The following COMMD1 variants were observed in gnomAD, a reference collection of about 807,000 sequenced individuals.
COMMD1 encodes the protein copper metabolism domain containing 1.
Under a neutral mutation model 17.2 loss-of-function variants are expected in COMMD1, and 10 were observed. The ratio of observed to expected loss-of-function variants is 0.58; its 90% confidence interval spans 0.36 to 0.99. COMMD1 has a LOEUF of 0.99. COMMD1 is among the 50% of genes least tolerant of loss of function. The probability of loss-of-function intolerance (pLI) is 0.01; values close to 1 mark genes in which losing one functional copy is unlikely to be tolerated. For synonymous variants in COMMD1, 97 were observed against 91.6 expected (o/e 1.06, Z -0.34); for missense variants, 270 against 231.8 (o/e 1.17, Z -1.07).
chr2:62,089,777 T>A (rs1321698367), intron 2 of COMMD1, among the ~76,000 whole-genome samples: 4 of 151,304 alleles, frequency 2.6e-5, no homozygotes, highest in African/African-American at 9.8e-5. Context: ...TGAAAGGAAT[T>A]TGGGCAAGAT....
intron 2 of COMMD1, among the ~76,000 whole-genome samples, chr2:62,098,580 A>G (rs1672083100): frequency 6.6e-6 from 1 of 152,158 alleles, no homozygotes; most frequent in African/African-American, 2.4e-5. Context: ...GTAAGATGTC[A>G]CTTACTTTCC....
At chr2:61,895,462 C>T (rs1033626291) in intron 1 of COMMD1, among the ~76,000 whole-genome samples, 4 of 152,146 alleles carry the variant, frequency 2.6e-5, no homozygotes, top group Non-Finnish European at 4.4e-5. Flanking sequence ...GGCCTTGGTC[C>T]TGCTACTAGA....
At chr2:62,071,200 C>G (rs1397600124) in intron 2 of COMMD1, among the ~76,000 whole-genome samples, 2 of 152,162 alleles carry the variant, frequency 1.3e-5, no homozygotes, top group African/African-American at 4.8e-5. Context: ...GGTTCCTCCC[C>G]CTTTTATACC....
chr2:62,002,491 G>GA (rs11310507), intron 2 of COMMD1, among the ~76,000 whole-genome samples: 371 of 35,098 alleles, frequency 0.011, 12 homozygotes, highest in Middle Eastern at 0.045. Flanking sequence ...GATTCCACCA[G>GA]AAAAAAAAAA....
intron 2 of COMMD1, among the ~76,000 whole-genome samples, chr2:62,034,329 G>A (rs1285525260): frequency 6.6e-6 from 1 of 151,708 alleles, no homozygotes; most frequent in Non-Finnish European, 1.5e-5. Context: ...TGGAAATCCC[G>A]TCTCTATTAA....
chr2:61,977,535 C>T (rs780971001), intron 1 of COMMD1, among the ~76,000 whole-genome samples: 17 of 151,858 alleles, frequency 1.1e-4, no homozygotes, highest in South Asian at 2.1e-4. Context: ...TGAGCTGCCG[C>T]GCCTGGCCAG....
intron 1 of COMMD1, among the ~76,000 whole-genome samples, chr2:61,944,496 C>T (rs918189187): frequency 6.6e-6 from 1 of 151,886 alleles, no homozygotes; most frequent in Non-Finnish European, 1.5e-5. Flanking sequence ...AATGCACCTC[C>T]GAACTAGAAT....
At chr2:61,992,489 G>C (rs1261340399) in intron 1 of COMMD1, among the ~76,000 whole-genome samples, 1 of 152,142 alleles carries the variant, frequency 6.6e-6, no homozygotes, top group Non-Finnish European at 1.5e-5. Flanking sequence ...GCAAACATCA[G>C]CCCACAGGTG....
At chr2:62,124,974 C>T (rs6739306) in intron 2 of COMMD1, among the ~76,000 whole-genome samples, 57,719 of 151,926 alleles carry the variant, frequency 0.38, 12,288 homozygotes, top group African/African-American at 0.58. Context: ...TCATGTTTCC[C>T]GTAAAGTTTA....
intron 1 of COMMD1, among the ~76,000 whole-genome samples, chr2:61,937,804 A>G (rs892556513): frequency 1.3e-5 from 2 of 151,286 alleles, no homozygotes; most frequent in African/African-American, 4.9e-5. Flanking sequence ...AACTGGGAGT[A>G]TTATACCCAG....
Position 62,022,865 on chromosome 2 carries a change from G to A in COMMD1, c.462+21883G>A, listed in dbSNP as rs543738228. 9.9e-5 allele frequency among the ~76,000 whole-genome samples: 15 copies of A among 152,196 alleles called. No homozygotes were observed. The South Asian group carries it at 2.1e-3, about 21-fold the overall frequency. On this transcript the variant is annotated intron_variant, in intron 2 of 2. Transcript: ENST00000311832. ...TTAGAGTCCAATGTAAGTGCTAGTC[G>A]CTGAGTTTCATTCCTAAGTAGTAAG... is the stretch of plus-strand genomic sequence containing the variant.
intron 1 of COMMD1, among the ~76,000 whole-genome samples, chr2:61,916,929 A>G (rs982094503): frequency 6.6e-6 from 1 of 152,194 alleles, no homozygotes; most frequent in Non-Finnish European, 1.5e-5. Flanking sequence ...TAACCTCTTT[A>G]TATTTTAAAT....
At chr2:61,891,822 T>G (rs1260625087) in intron 1 of COMMD1, among the ~76,000 whole-genome samples, 2 of 151,842 alleles carry the variant, frequency 1.3e-5, no homozygotes, top group Non-Finnish European at 2.9e-5. Context: ...CTTTCTGATA[T>G]TTATTTTTTA....
intron 1 of COMMD1, among the ~76,000 whole-genome samples, chr2:61,941,614 A>C (rs547653298): frequency 3.3e-5 from 5 of 152,148 alleles, no homozygotes; most frequent in African/African-American, 1.2e-4. Flanking sequence ...TCTCAGGGCA[A>C]ACCTTACAGT....
intron 2 of COMMD1, among the ~76,000 whole-genome samples, chr2:62,111,481 T>A (rs913912987): frequency 2.6e-5 from 4 of 152,162 alleles, no homozygotes; most frequent in Non-Finnish European, 2.9e-5. Flanking sequence ...CAGCAAGGCC[T>A]TTCGGTTCAG....
chr2:62,119,903 C>G (rs1672699123), intron 2 of COMMD1, among the ~76,000 whole-genome samples: 1 of 152,214 alleles, frequency 6.6e-6, no homozygotes, highest in African/African-American at 2.4e-5. Context: ...AAAGCAAGTA[C>G]TATTGCATAT....
intron 2 of COMMD1, among the ~76,000 whole-genome samples, chr2:62,062,226 G>GT (rs577579260): frequency 1.1e-3 from 161 of 146,670 alleles, no homozygotes; most frequent in African/African-American, 3.2e-3. Context: ...GTTTTTTTTT[G>GT]TTTTTTTGTT....
chr2:62,012,270 TACACACACACACACACACACAC>T (rs57739132), intron 2 of COMMD1, among the ~76,000 whole-genome samples: 2 of 129,936 alleles, frequency 1.5e-5, no homozygotes, highest in Admixed American at 1.6e-4. Flanking sequence ...CACACACACA[TACACACACACACACACACACAC>T]ACACACACAC....
intron 1 of COMMD1, among the ~76,000 whole-genome samples, chr2:61,947,036 C>G (rs1315221467): frequency 1.3e-5 from 2 of 152,100 alleles, no homozygotes; most frequent in East Asian, 3.8e-4. Context: ...CTGTCACATA[C>G]CAGCATTTTT....
Sources: allele counts gnomAD v4.1 joint callset (sites outside exome capture counted in the v4.1 genomes callset), GRCh38; gene constraint gnomAD v4.1.1; transcripts MANE v1.5; gene names NCBI Gene and HGNC (gene_info 2026-07-23, HGNC 2026-07-21).